The following JAK2 variants were observed in gnomAD, a reference collection of about 807,000 sequenced individuals.
JAK2 encodes the protein Janus kinase 2.
In JAK2, 86 loss-of-function variants were observed where a neutral mutation model predicts 139.3. The observed-to-expected ratio is 0.62, with a 90% CI of 0.52 to 0.74. The LOEUF is 0.74. Ranked by LOEUF, JAK2 falls within the 30% of genes least tolerant of loss-of-function variation. JAK2 has a pLI of 0.00. For missense variants in JAK2, 1,421 were observed against 1,360.3 expected, an observed-to-expected ratio of 1.04 and a Z score of -0.70; for synonymous variants, 490 against 437.7, an observed-to-expected ratio of 1.12 and a Z score of -1.49.
intron 22 of JAK2, among the ~76,000 whole-genome samples, chr9:5,113,037 G>C (rs1476984728): frequency 6.6e-6 from 1 of 152,014 alleles, no homozygotes; most frequent in Non-Finnish European, 1.5e-5. Context: ...GGGTGAGGAA[G>C]GTGACGCTGG....
At chr9:5,085,333 G>C in intron 19 of JAK2, 1 of 858,416 alleles carries the variant, frequency 1.2e-6, no homozygotes, top group Admixed American at 1.7e-5. Flanking sequence ...TAGCTGAAAA[G>C]CTATTCCTAC....
At chr9:5,090,709 C>G in intron 21 of JAK2, 30 bp from the exon 22 acceptor site, 4 of 1,561,446 alleles carry the variant, frequency 2.6e-6, no homozygotes, top group Non-Finnish European at 3.4e-6. Context: ...ATTTATAAAA[C>G]TAGCTGAAAG....
intron 2 of JAK2, among the ~76,000 whole-genome samples, chr9:5,017,628 T>A (rs1563928816): frequency 1.3e-5 from 2 of 152,226 alleles, no homozygotes; most frequent in Non-Finnish European, 2.9e-5. Flanking sequence ...GCTATAAACT[T>A]CCCTCTTATA....
intron 2 of JAK2, among the ~76,000 whole-genome samples, chr9:4,998,098 A>G (rs1258997106): frequency 6.6e-6 from 1 of 152,214 alleles, no homozygotes; most frequent in Non-Finnish European, 1.5e-5. Context: ...GTAGTTTTAA[A>G]TATTTCACGA....
intron 12 of JAK2, among the ~76,000 whole-genome samples, chr9:5,071,954 G>A (rs1313698482): frequency 3.3e-5 from 5 of 152,196 alleles, no homozygotes; most frequent in African/African-American, 1.2e-4. Flanking sequence ...ATGTGTCATG[G>A]ACTGTGCTAA....
intron 2 of JAK2, among the ~76,000 whole-genome samples, chr9:5,001,630 T>C (rs1587809333): frequency 6.6e-6 from 1 of 152,140 alleles, no homozygotes; most frequent in East Asian, 1.9e-4. Context: ...CTGTAATTTT[T>C]TTTTTTTTTT....
At chr9:5,030,795 G>T (rs893261454) in intron 4 of JAK2, among the ~76,000 whole-genome samples, 1 of 152,068 alleles carries the variant, frequency 6.6e-6, no homozygotes, top group African/African-American at 2.4e-5. Context: ...AAAATATGCA[G>T]TTGGATGTGT....
At chr9:5,024,088 CT>C (rs1474091663) in intron 3 of JAK2, among the ~76,000 whole-genome samples, 2 of 152,056 alleles carry the variant, frequency 1.3e-5, no homozygotes, top group African/African-American at 4.8e-5. Context: ...AACCTCATCT[CT>C]GCTAAAAATA....
chr9:5,033,849 C>G (rs1281926358), intron 4 of JAK2, among the ~76,000 whole-genome samples: 2 of 152,146 alleles, frequency 1.3e-5, no homozygotes, highest in Non-Finnish European at 2.9e-5. Flanking sequence ...GCAAAATAAC[C>G]AGGTAACGTC....
At position 5,014,613 on chromosome 9, in the gene JAK2, A is replaced by G. The variant is rs563416501; in HGVS notation, c.-25-7350A>G. 2.3e-4 allele frequency among the ~76,000 whole-genome samples: 35 copies of G among 152,312 alleles called. No individual in the cohort carries two copies. In the East Asian group the frequency reaches 5.4e-3, roughly 24 times the overall value. On this transcript the variant is annotated intron_variant, in intron 2 of 24. Coordinates refer to ENST00000381652, the MANE Select transcript of JAK2 (RefSeq NM_004972.4). ...CATGGAAGAACTTTCTGGGATGCTG[A>G]TAATTTCTTAGGGCTTTGGGTTACA...
intron 18 of JAK2, 152 bp downstream of exon 18, chr9:5,080,835 T>C (rs766400735): frequency 6.4e-6 from 3 of 471,980 alleles, no homozygotes; most frequent in Non-Finnish European, 1.1e-5. Flanking sequence ...TCATGCTTTA[T>C]ACATATTCTA....
At chr9:5,092,278 G>A (rs753268571) in intron 22 of JAK2, among the ~76,000 whole-genome samples, 1 of 152,034 alleles carries the variant, frequency 6.6e-6, no homozygotes, top group Non-Finnish European at 1.5e-5. Context: ...ATAAGGCCAC[G>A]AAGCACGCAC....
rs1824143157 is a variant in JAK2 at position 5,128,412 on chromosome 9, T to A, written c.*1621T>A. On this transcript the variant is annotated 3_prime_UTR_variant, in exon 25 of 25. Coordinates refer to ENST00000381652, the MANE Select transcript of JAK2 (RefSeq NM_004972.4). ...TTTAATTTTTATTTGTAAAGACTCC[T>A]CAAGGATTTGTATATGCAACACAGT... 6.6e-6 allele frequency among the ~76,000 whole-genome samples: 1 copy of A among 151,916 alleles called. No homozygotes were observed. The highest frequency in any genetic ancestry group is 1.9e-4 in the East Asian group (1 of 5,180).
Position 5,055,697 on chromosome 9 carries a change from ATAT to A in JAK2, c.970_972del (p.Ile324del). 6.3e-7 allele frequency: 1 copy of A among 1,584,300 alleles called. No individual in the cohort carries two copies. The highest frequency in any genetic ancestry group is 8.7e-7 in the Non-Finnish European group (1 of 1,154,488). Reference sequence around the variant, plus strand: ...TTACAGTTATATTGCGATTTTCCTAATATTATTGATGTCAGTATTAAGCAAGCA... The same window carrying A: ...TTACAGTTATATTGCGATTTTCCTAATATTGATGTCAGTATTAAGCAAGCA... On this transcript the variant is annotated inframe_deletion, in exon 8 of 25. Transcript: ENST00000381652.
At chr9:5,040,774 C>T (rs896902792) in intron 4 of JAK2, among the ~76,000 whole-genome samples, 63 of 152,240 alleles carry the variant, frequency 4.1e-4, no homozygotes, top group African/African-American at 1.4e-3. Flanking sequence ...GCCTTCCGCC[C>T]TTAACATGCG....
At chr9:5,037,056 A>G (rs1365691516) in intron 4 of JAK2, among the ~76,000 whole-genome samples, 1 of 152,248 alleles carries the variant, frequency 6.6e-6, no homozygotes, top group African/African-American at 2.4e-5. Context: ...AAGGATACGA[A>G]CAGACACTTC....
rs1817641117 is a variant in JAK2 at position 5,054,687 on chromosome 9, G to C, written c.739G>C (p.Ala247Pro). The C allele has an allele frequency of 6.2e-7, 1 of 1,613,364 alleles. No homozygotes were observed. Reference protein sequence around the residue: ...IQQFSQCKATARNLKLKYLIN... With the variant: ...IQQFSQCKATPRNLKLKYLIN... ...GCAATTCAGCCAATGCAAAGCCACT[G>C]CCAGAAACTTGAAACTTAAGTATCT... is the stretch of plus-strand genomic sequence containing the variant. The change falls in exon 7 of 25, where the codon GCC (alanine) becomes CCC (proline). Residue 247 changes from alanine to proline, a missense_variant. By Grantham distance (27) the Ala-to-Pro change is conservative. Coordinates refer to ENST00000381652, the MANE Select transcript of JAK2 (RefSeq NM_004972.4). The surrounding 1 kb of genome is among the most constrained non-coding windows in gnomAD (Gnocchi z 4.9).
chr9:5,112,469 A>G, intron 22 of JAK2: 1 of 547,822 alleles, frequency 1.8e-6, no homozygotes, highest in Non-Finnish European at 3.3e-6. Context: ...GACCCCCGGG[A>G]CCGGACCAGC....
At chr9:5,102,044 C>G (rs1045773294) in intron 22 of JAK2, among the ~76,000 whole-genome samples, 16 of 152,114 alleles carry the variant, frequency 1.1e-4, no homozygotes, top group Admixed American at 1.0e-3. Flanking sequence ...ATGACTTTGA[C>G]GAGCTGACAG....
Sources: gnomAD v4.1 joint callset for allele counts (sites outside exome capture counted in the v4.1 genomes callset) on GRCh38, gnomAD v4.1.1 for gene constraint, Gnocchi (gnomAD v3.1) non-coding constraint, MANE v1.5 for transcripts, NCBI Gene and HGNC (gene_info 2026-07-23, HGNC 2026-07-21) for gene names.